GALNT14: variants seen among roughly 807,000 people sequenced by gnomAD.
GALNT14 encodes the protein polypeptide N-acetylgalactosaminyltransferase 14, also known as UDP-GalNAc:polypeptide N-acetylgalactosaminyltransferase 14.
In GALNT14, 60 loss-of-function variants were observed where a neutral mutation model predicts 77.5. The observed-to-expected ratio is 0.77, with a 90% CI of 0.63 to 0.96. The LOEUF is 0.96. Among genes scored for constraint, GALNT14 ranks in the 40% least tolerant of loss-of-function variants. GALNT14 has a pLI of 0.00. For synonymous variants in GALNT14, 280 were observed against 281.7 expected (o/e 0.99, Z 0.06); for missense variants, 710 against 731.0 (o/e 0.97, Z 0.33).
intron 1 of GALNT14, among the ~76,000 whole-genome samples, chr2:31,124,138 G>A (rs1333898504): frequency 2.0e-5 from 3 of 152,204 alleles, no homozygotes; most frequent in Admixed American, 2.0e-4. Context: ...CCTGGGGCAG[G>A]TGATTTTGCC....
chr2:31,052,520 C>T (rs1339228152), intron 1 of GALNT14, among the ~76,000 whole-genome samples: 7 of 152,194 alleles, frequency 4.6e-5, no homozygotes, highest in Non-Finnish European at 1.0e-4. Flanking sequence ...TGGCCTCCTG[C>T]GGGACACCAG....
intron 9 of GALNT14, among the ~76,000 whole-genome samples, chr2:30,937,814 G>C (rs1666144565): frequency 6.6e-6 from 1 of 152,290 alleles, no homozygotes; most frequent in African/African-American, 2.4e-5. Context: ...CCAGGGATTA[G>C]GGTGTGGACA....
chr2:31,121,660 C>T (rs116282291), intron 1 of GALNT14, among the ~76,000 whole-genome samples: 253 of 152,182 alleles, frequency 1.7e-3, no homozygotes, highest in African/African-American at 4.8e-3. Context: ...TGCCCACTGC[C>T]GCCCAATAAT....
chr2:30,945,019 T>A, intron 7 of GALNT14, 77 bp from the exon 8 acceptor site: 1 of 1,298,530 alleles, frequency 7.7e-7, no homozygotes, highest in Non-Finnish European at 1.1e-6. Context: ...CAGAAGGTCA[T>A]GAATGTACCC....
chr2:30,918,273 G>A (rs1664808157), intron 13 of GALNT14, among the ~76,000 whole-genome samples: 1 of 152,194 alleles, frequency 6.6e-6, no homozygotes, highest in African/African-American at 2.4e-5. Context: ...GGATCCTGGG[G>A]TGATACCAGG....
chr2:30,932,076 C>T lies in GALNT14; in HGVS notation c.1050G>A (p.Thr350=), dbSNP rs372818470. Residue 350 remains threonine, a synonymous_variant, in exon 10 of 15, where the codon ACG becomes ACA. Transcript: ENST00000349752. ...AGCCCCTGGGCACTTACTTTATATA[C>T]GTGTTGGCATTTCCATCAGGGAAAA... ...PYVFPDGNAN[T]YIKNTKRTAE... 26 of 1,562,098 alleles carry T rather than the reference C, an allele frequency of 1.7e-5. No individual in the cohort carries two copies. Among genetic ancestry groups the T allele is most frequent in the Middle Eastern group, 1.7e-4 (1 of 5,926 alleles).
rs1448207308 is a variant in GALNT14 at position 31,034,729 on chromosome 2, C to A, written c.130-41722G>T. Reference sequence around the variant, plus strand: ...TCTTTTTAAAGCAAGGCATGTATAGCCTTAAGTTTCCCTTTAAGCAGTGCT... The same window carrying A: ...TCTTTTTAAAGCAAGGCATGTATAGACTTAAGTTTCCCTTTAAGCAGTGCT... On this transcript the variant is annotated intron_variant, in intron 1 of 14. Transcript: ENST00000349752. 2.0e-5 allele frequency among the ~76,000 whole-genome samples: 3 copies of A among 152,112 alleles called. No homozygotes were observed. In the East Asian group the frequency reaches 5.8e-4, roughly 29 times the overall value.
intron 1 of GALNT14, among the ~76,000 whole-genome samples, chr2:31,120,661 A>G (rs1678364232): frequency 6.6e-6 from 1 of 152,028 alleles, no homozygotes; most frequent in Admixed American, 6.5e-5. Flanking sequence ...GGCTCAAGTG[A>G]TTCTCCTGCC....
At chr2:30,955,860 T>G in intron 5 of GALNT14, 52 bp downstream of exon 5, 1 of 1,611,696 alleles carries the variant, frequency 6.2e-7, no homozygotes, top group African/African-American at 1.3e-5. Context: ...CATCACACCT[T>G]CGACCCCCCG....
intron 1 of GALNT14, among the ~76,000 whole-genome samples, chr2:31,117,681 T>TAAC (rs763123755): frequency 1.1e-4 from 17 of 152,176 alleles, no homozygotes; most frequent in Admixed American, 1.1e-3. Context: ...GTTAATTTAC[T>TAAC]AACAAAATGG....
chr2:30,965,713 T>G (rs1463143610), intron 3 of GALNT14, among the ~76,000 whole-genome samples: 1 of 152,114 alleles, frequency 6.6e-6, no homozygotes, highest in African/African-American at 2.4e-5. Flanking sequence ...AGGTAGATGG[T>G]CAGGAAGGCA....
intron 1 of GALNT14, among the ~76,000 whole-genome samples, chr2:31,032,596 T>C (rs1672485400): frequency 6.6e-6 from 1 of 152,172 alleles, no homozygotes; most frequent in African/African-American, 2.4e-5. Context: ...CAGAGGTCCA[T>C]GTGACCAAGT....
intron 1 of GALNT14, among the ~76,000 whole-genome samples, chr2:31,028,023 G>A (rs1391256707): frequency 6.6e-6 from 1 of 152,012 alleles, no homozygotes; most frequent in East Asian, 1.9e-4. Context: ...TATGTAGTGA[G>A]GTGTATAACG....
At chr2:30,889,078 T>C in the GALNT14 span, among the ~76,000 whole-genome samples, 1 of 152,088 alleles carries the variant, frequency 6.6e-6, no homozygotes, top group Non-Finnish European at 1.5e-5. Context: ...TCACCACCCC[T>C]GCGGCTGTGT....
intron 1 of GALNT14, among the ~76,000 whole-genome samples, chr2:31,128,392 A>G (rs545662242): frequency 1.1e-4 from 17 of 152,298 alleles, no homozygotes; most frequent in African/African-American, 3.6e-4. Flanking sequence ...GATATCTTCT[A>G]AAGTCACTTC....
chr2:31,022,458 G>T (rs140515615), intron 1 of GALNT14, among the ~76,000 whole-genome samples: 256 of 152,232 alleles, frequency 1.7e-3, no homozygotes, highest in Non-Finnish European at 2.8e-3. Flanking sequence ...TCCCAGTTCT[G>T]GAATAAGGCC....
chr2:31,036,701 C>A (rs1256178763), intron 1 of GALNT14, among the ~76,000 whole-genome samples: 1 of 152,176 alleles, frequency 6.6e-6, no homozygotes, highest in Non-Finnish European at 1.5e-5. Context: ...AAAACAATTT[C>A]TCTCAGTTTT....
At chr2:31,076,010 T>C (rs1453044399) in intron 1 of GALNT14, among the ~76,000 whole-genome samples, 1 of 152,222 alleles carries the variant, frequency 6.6e-6, no homozygotes, top group African/African-American at 2.4e-5. Context: ...CTAGACTGAA[T>C]GAATCAACCT....
At chr2:31,050,075 G>A (rs893869159) in intron 1 of GALNT14, among the ~76,000 whole-genome samples, 5 of 152,028 alleles carry the variant, frequency 3.3e-5, no homozygotes, top group African/African-American at 4.8e-5. Flanking sequence ...CTGGCCACTC[G>A]GGGCTTTGGT....
Sources: gnomAD v4.1 joint callset for allele counts (sites outside exome capture counted in the v4.1 genomes callset) on GRCh38, gnomAD v4.1.1 for gene constraint, MANE v1.5 for transcripts, NCBI Gene and HGNC (gene_info 2026-07-23, HGNC 2026-07-21) for gene names.